Variants in PUS7L observed in about 807,000 individuals in gnomAD.
PUS7L encodes pseudouridylate synthase PUS7L.
A neutral mutation model predicts 51.1 loss-of-function variants in PUS7L; 49 were observed. The observed-to-expected ratio is 0.96, with a 90% CI of 0.76 to 1.22. The LOEUF is 1.22. PUS7L is among the 50% of genes most tolerant of loss of function. PUS7L has a pLI of 0.00. For synonymous variants in PUS7L, 277 were observed against 276.2 expected, an observed-to-expected ratio of 1.00 and a Z score of -0.03; for missense variants, 828 against 820.6, an observed-to-expected ratio of 1.01 and a Z score of -0.11.
rs763684461 is a variant in PUS7L at position 43,738,362 on chromosome 12, T to C, written c.1392A>G (p.Pro464=). 3 of 1,594,528 alleles carry C rather than the reference T, an allele frequency of 1.9e-6. No individual in the cohort carries two copies. The highest frequency in any genetic ancestry group is 2.2e-5 in the East Asian group (1 of 44,642). ...MMKAIKLFLT[P]EDLDDPVNRA... ...TATTTACAGGATCATCCAAGTCTTCTGGTGTAAGAAACAATTTTATGGCTT... is the reference window on the plus strand; with the variant it reads ...TATTTACAGGATCATCCAAGTCTTCCGGTGTAAGAAACAATTTTATGGCTT... Residue 464 remains proline, a synonymous_variant, in exon 6 of 9, where the codon CCA becomes CCG. Coordinates refer to ENST00000344862, the MANE Select transcript of PUS7L (RefSeq NM_031292.5).
intron 2 of PUS7L, among the ~76,000 whole-genome samples, chr12:43,750,134 C>T (rs1938372744): frequency 1.3e-5 from 2 of 152,126 alleles, no homozygotes; most frequent in Non-Finnish European, 2.9e-5. Context: ...CAGCCATTCG[C>T]CCTAACAATT....
chr12:43,745,846 TGTTTA>T (rs1348429134), intron 4 of PUS7L, among the ~76,000 whole-genome samples, 195 bp downstream of exon 4: 3 of 152,194 alleles, frequency 2.0e-5, no homozygotes, highest in Non-Finnish European at 4.4e-5. Flanking sequence ...TATTTTGTTT[TGTTTA>T]AATACAAAAA....
intron 6 of PUS7L, among the ~76,000 whole-genome samples, chr12:43,736,865 TAA>T (rs369648072): frequency 4.3e-5 from 6 of 138,950 alleles, no homozygotes; most frequent in Admixed American, 7.2e-5. Flanking sequence ...TCCCTGCTAT[TAA>T]AAAAAAAAAA....
intron 7 of PUS7L, among the ~76,000 whole-genome samples, chr12:43,732,472 T>A (rs906067983): frequency 1.1e-4 from 17 of 150,516 alleles, no homozygotes; most frequent in African/African-American, 3.4e-4. Context: ...AAAAAAAAAA[T>A]TTAAAGAGGT....
intron 7 of PUS7L, 78 bp downstream of exon 7, chr12:43,736,303 C>G: frequency 8.3e-7 from 1 of 1,198,022 alleles, no homozygotes; most frequent in Non-Finnish European, 1.2e-6. Flanking sequence ...TAAAGTGTTT[C>G]TATAATCAGG....
At position 43,743,955 on chromosome 12, in the gene PUS7L, A is replaced by G. The variant is rs57214969; in HGVS notation, c.1264-1400T>C. Among the ~76,000 whole-genome samples the G allele has an allele frequency of 4.2e-3, 643 of 152,310 alleles. 5 individuals are homozygous for G. Among genetic ancestry groups the G allele is most frequent in the African/African-American group, 0.015 (625 of 41,560 alleles). On this transcript the variant is annotated intron_variant, in intron 4 of 8. Transcript: ENST00000344862. The stretch of plus-strand genomic sequence containing the variant: ...TAACAGAGATATAACCCCTTGAAAC[A>G]AAACTTCAAAGACTCCTTATTTTCA...
In PUS7L at chr12:43,730,558, T is replaced by TA. The variant is rs1425926169; in HGVS notation, c.1923dup (p.Arg642Ter). 6.2e-7 allele frequency: 1 copy of TA among 1,613,782 alleles called. No individual in the cohort carries two copies. Among genetic ancestry groups the TA allele is most frequent in the African/African-American group, 1.3e-5 (1 of 74,932 alleles). On this transcript the variant is annotated frameshift_variant, in exon 9 of 9. Coordinates refer to ENST00000344862, the MANE Select transcript of PUS7L (RefSeq NM_031292.5). LOFTEE classifies it low-confidence loss of function (END_TRUNC). ...TTACAGGGATGTTTCAAAATCTGTC[T>TA]ATAGCAACCTGGTATATTCAGTTTC...
At position 43,754,618 on chromosome 12, in the gene PUS7L, CCAAATGA is replaced by C; in HGVS notation, c.621_627del (p.Cys207TrpfsTer57). ...AAGTCAAATGCTTCCTCTTCAGATA[CCAAATGA>C]CAAAGTTCTTTATATTCAAGATTTG... is the stretch of plus-strand genomic sequence containing the variant. On this transcript the variant is annotated frameshift_variant, in exon 2 of 9. Transcript: ENST00000344862. LOFTEE classifies it high-confidence loss of function. The C allele has an allele frequency of 6.2e-7, 1 of 1,613,238 alleles. No homozygotes were observed. The highest frequency in any genetic ancestry group is 8.5e-7 in the Non-Finnish European group (1 of 1,179,688).
intron 2 of PUS7L, among the ~76,000 whole-genome samples, chr12:43,752,166 G>C (rs922535768): frequency 6.6e-6 from 1 of 152,032 alleles, no homozygotes; most frequent in Non-Finnish European, 1.5e-5. Flanking sequence ...CACTCTGATG[G>C]GCTGCAGTTA....
At position 43,731,738 on chromosome 12, in the gene PUS7L, C is replaced by A. The variant is rs1190978567; in HGVS notation, c.1746G>T (p.Glu582Asp). 6.3e-7 allele frequency: 1 copy of A among 1,580,506 alleles called. No homozygotes were observed. Among genetic ancestry groups the A allele is most frequent in the East Asian group, 2.2e-5 (1 of 44,502 alleles). The change falls in exon 8 of 9, where the codon GAG (glutamate) becomes GAT (aspartate). Residue 582 changes from glutamate (E) to aspartate (D), a missense_variant. Glu to Asp is a conservative substitution (Grantham distance 45). Transcript: ENST00000344862. ...TTGCATACATATTAGCTGATCCCTC[C>A]TCTTCAGTTACCAGGTGAATCTAGT... ...PNSKIHLVTE[E>D]EGSANMYAIH...
Position 43,736,421 on chromosome 12 carries a change from A to C in PUS7L, c.1685T>G (p.Leu562Trp). The C allele has an allele frequency of 6.2e-7, 1 of 1,614,210 alleles. No individual in the cohort carries two copies. The highest frequency in any genetic ancestry group is 8.5e-7 in the Non-Finnish European group (1 of 1,180,028). ...ARVVQGDLVC[L>W]DEDIDDENFP... ...ATTCTCGTCATCAATGTCTTCATCC[A>C]AACAGACCAAATCACCCTGCACTAC... is the stretch of plus-strand genomic sequence containing the variant. Residue 562 changes from leucine (L) to tryptophan (W), a missense_variant, in exon 7 of 9, where the codon TTG becomes TGG. By Grantham distance (61) the Leu-to-Trp change is moderately conservative. Coordinates refer to ENST00000344862, the MANE Select transcript of PUS7L (RefSeq NM_031292.5).
Position 43,726,175 on chromosome 12 carries a change from G to A in PUS7L, c.*4201C>T, listed in dbSNP as rs543488593. ...AAGGCTATAGTAACCAAAACAGCAT[G>A]GTACTGGTACAAAAACAGACACATA... On this transcript the variant is annotated 3_prime_UTR_variant, in exon 9 of 9. Transcript: ENST00000344862. 10 of 152,164 alleles carry A rather than the reference G, an allele frequency of 6.6e-5. No homozygotes were observed. The East Asian group carries it at 1.9e-3, about 29-fold the overall frequency. The allele number at this position is 152,164 out of a possible 1,614,324, so 9.4% of individuals were successfully genotyped here. A position where few individuals can be genotyped will look rare whatever the true frequency, so the allele number is the denominator to read the frequency against.
intron 1 of PUS7L, among the ~76,000 whole-genome samples, chr12:43,756,587 T>C (rs150867272): frequency 1.8e-4 from 28 of 152,300 alleles, no homozygotes; most frequent in African/African-American, 6.3e-4. Context: ...TTTATGATCA[T>C]CTATATGGAT....
chr12:43,743,792 T>G lies in PUS7L; in HGVS notation c.1264-1237A>C, dbSNP rs541395842. On this transcript the variant is annotated intron_variant, in intron 4 of 8. Coordinates refer to ENST00000344862, the MANE Select transcript of PUS7L (RefSeq NM_031292.5). ...AAAAAAAAATTAATTACAGATAGAA[T>G]AAGTACTCCCTGAATTAAATCTCAT... is the stretch of plus-strand genomic sequence containing the variant. Among the ~76,000 whole-genome samples the G allele has an allele frequency of 5.3e-5, 8 of 152,120 alleles. No individual in the cohort carries two copies. In the South Asian group the frequency reaches 1.7e-3, roughly 32 times the overall value.
In PUS7L at chr12:43,755,329, G is replaced by C. The variant is rs964950278; in HGVS notation, c.-16-68C>G. On this transcript the variant is annotated intron_variant, in intron 1 of 8. Transcript: ENST00000344862. ...AGTTATGGATGACCAAATAGGAATA[G>C]GTTTGCAGGATTTAGTTAATTCTGT... 3 of 919,856 alleles carry C rather than the reference G, an allele frequency of 3.3e-6. No individual in the cohort carries two copies. The Admixed American group carries it at 8.8e-5, about 27-fold the overall frequency. 57.0% of individuals were successfully genotyped at this position (919,856 alleles called of 1,614,324 possible).
intron 7 of PUS7L, among the ~76,000 whole-genome samples, chr12:43,735,723 GA>G (rs898581967): frequency 1.3e-5 from 2 of 152,002 alleles, no homozygotes; most frequent in African/African-American, 4.8e-5. Flanking sequence ...GTCTCTGGAG[GA>G]AGCACAGGGA....
intron 7 of PUS7L, among the ~76,000 whole-genome samples, chr12:43,734,292 C>T (rs1410958327): frequency 3.3e-5 from 5 of 152,032 alleles, no homozygotes; most frequent in Non-Finnish European, 2.9e-5. Flanking sequence ...AGCCTAGAGT[C>T]GTTAATAATA....
chr12:43,754,558 T>C lies in PUS7L; in HGVS notation c.688A>G (p.Lys230Glu). The C allele has an allele frequency of 6.2e-7, 1 of 1,609,406 alleles. No individual in the cohort carries two copies. The highest frequency in any genetic ancestry group is 8.5e-7 in the Non-Finnish European group (1 of 1,178,470). Residue 230 changes from lysine to glutamate, a missense_variant, in exon 2 of 9, where the codon AAA becomes GAA. Lys to Glu is a moderately conservative substitution (Grantham distance 56). Coordinates refer to ENST00000344862, the MANE Select transcript of PUS7L (RefSeq NM_031292.5). Reference sequence around the variant, plus strand: ...TTTGTATCAGGTTTAAAGGTAAATTTGGAATTTTCTTTCTTTGCATCCAAA... The same window carrying C: ...TTTGTATCAGGTTTAAAGGTAAATTCGGAATTTTCTTTCTTTGCATCCAAA... ...KYLDAKKENS[K>E]FTFKPDTNKD...
In PUS7L at chr12:43,729,572, T is replaced by G; in HGVS notation, c.*804A>C. The G allele has an allele frequency of 5.1e-6, 1 of 194,682 alleles. No individual in the cohort carries two copies. The highest frequency in any genetic ancestry group is 1.0e-5 in the Non-Finnish European group (1 of 96,130). 12.1% of individuals were successfully genotyped at this position (194,682 alleles called of 1,614,324 possible). Reference sequence around the variant, plus strand: ...TTTGTTCCTCCAGCAACAGAAAATGTGGAGATAATCCTATTATTTGTCATT... The same window carrying G: ...TTTGTTCCTCCAGCAACAGAAAATGGGGAGATAATCCTATTATTTGTCATT... On this transcript the variant is annotated 3_prime_UTR_variant, in exon 9 of 9. Coordinates refer to ENST00000344862, the MANE Select transcript of PUS7L (RefSeq NM_031292.5).
Sources: allele counts gnomAD v4.1 joint callset (sites outside exome capture counted in the v4.1 genomes callset), GRCh38; gene constraint gnomAD v4.1.1; transcripts MANE v1.5; gene names NCBI Gene and HGNC (gene_info 2026-07-23, HGNC 2026-07-21).